The following POLR1A variants were observed in gnomAD, a reference collection of about 807,000 sequenced individuals.
POLR1A encodes RNA polymerase I subunit A.
POLR1A carries 84 observed loss-of-function variants against 205.3 expected under a neutral mutation model. The observed-to-expected ratio is 0.41, with a 90% CI of 0.34 to 0.49. The LOEUF (loss-of-function observed/expected upper bound fraction) is 0.49. Among genes scored for constraint, POLR1A ranks in the 20% least tolerant of loss-of-function variants. POLR1A has a pLI of 0.22. For missense variants in POLR1A, 1,645 were observed against 2,204.5 expected, an observed-to-expected ratio of 0.75 and a Z score of 5.08; for synonymous variants, 799 against 863.7, an observed-to-expected ratio of 0.93 and a Z score of 1.31.
At chr2:86,069,090 C>A (rs535244681) in intron 13 of POLR1A, among the ~76,000 whole-genome samples, 1 of 152,370 alleles carries the variant, frequency 6.6e-6, no homozygotes, top group South Asian at 2.1e-4. Flanking sequence ...ATAGCACCTA[C>A]CTCCAAGGAC....
chr2:86,074,341 G>A (rs556025690), intron 12 of POLR1A, among the ~76,000 whole-genome samples: 1 of 152,266 alleles, frequency 6.6e-6, no homozygotes, highest in South Asian at 2.1e-4. Flanking sequence ...TATTGACTCC[G>A]GTAGTCACTT....
At chr2:86,097,450 A>C (rs1573837307) in intron 3 of POLR1A, among the ~76,000 whole-genome samples, 2 of 152,180 alleles carry the variant, frequency 1.3e-5, no homozygotes, top group African/African-American at 4.8e-5. Context: ...CCCCATGGTT[A>C]TTGCAGCACT....
chr2:86,062,151 G>A (rs1246818274), intron 14 of POLR1A, among the ~76,000 whole-genome samples: 3 of 152,102 alleles, frequency 2.0e-5, no homozygotes, highest in African/African-American at 7.2e-5. Context: ...TCTAAACATG[G>A]TTTTTCTCTG....
chr2:86,089,435 T>C (rs1228104095), intron 4 of POLR1A, among the ~76,000 whole-genome samples: 1 of 152,250 alleles, frequency 6.6e-6, no homozygotes, highest in Non-Finnish European at 1.5e-5. Context: ...AGGTGAATTA[T>C]CTACCCATTC....
In POLR1A at chr2:86,061,301, G is replaced by T. The variant is rs185124314; in HGVS notation, c.2058+3973C>A. On this transcript the variant is annotated intron_variant, in intron 14 of 33. Transcript: ENST00000263857. ...GTCTCTACTAAAAATACAAAAATTTGCTAGGTGTGGTGGAGCACATCTGTA... is the reference window on the plus strand; with the variant it reads ...GTCTCTACTAAAAATACAAAAATTTTCTAGGTGTGGTGGAGCACATCTGTA... Among the ~76,000 whole-genome samples the T allele has an allele frequency of 8.5e-5, 13 of 152,222 alleles. No homozygotes were observed. In the East Asian group the frequency reaches 1.9e-3, roughly 23 times the overall value.
chr2:86,061,467 ACTAT>A (rs1038464799), intron 14 of POLR1A, among the ~76,000 whole-genome samples: 1 of 152,208 alleles, frequency 6.6e-6, no homozygotes, highest in Non-Finnish European at 1.5e-5. Context: ...ACTTTAGGAA[ACTAT>A]CTATTAAAGT....
At chr2:86,071,876 T>G (rs1673185373) in intron 12 of POLR1A, among the ~76,000 whole-genome samples, 1 of 152,212 alleles carries the variant, frequency 6.6e-6, no homozygotes, top group Non-Finnish European at 1.5e-5. Flanking sequence ...GAAGGGCTCC[T>G]CTAAGTAGTA....
intron 12 of POLR1A, 119 bp downstream of exon 12, chr2:86,074,911 C>T: frequency 1.4e-6 from 1 of 691,396 alleles, no homozygotes; most frequent in Non-Finnish European, 2.4e-6. Context: ...TGTCGGGGAG[C>T]TTCCTCCTAG....
rs1206119827 is a variant in POLR1A at position 86,070,412 on chromosome 2, T to C, written c.1612-140A>G. 3 of 901,438 alleles carry C rather than the reference T, an allele frequency of 3.3e-6. No individual in the cohort carries two copies. Among genetic ancestry groups the C allele is most frequent in the Non-Finnish European group, 5.0e-6 (3 of 603,348 alleles). The allele number at this position is 901,438 out of a possible 1,614,324, so 55.8% of individuals were successfully genotyped here. ...AACTAAATGCAAGGGGAATTTTTCATCTGGAGCAAAACCCTGGAAATCTCT... is the reference window on the plus strand; with the variant it reads ...AACTAAATGCAAGGGGAATTTTTCACCTGGAGCAAAACCCTGGAAATCTCT... On this transcript the variant is annotated intron_variant, in intron 12 of 33. Coordinates refer to ENST00000263857, the MANE Select transcript of POLR1A (RefSeq NM_015425.6). This position sits in a 1 kb window ranked among gnomAD's most constrained non-coding sequence, Gnocchi z 4.4.
Position 86,032,618 on chromosome 2 carries a change from C to T in POLR1A, c.4162-236G>A, listed in dbSNP as rs4832234. ...CTTCAGTCTTCATCTTTACATGCAC[C>T]ACTTACTTGCAAAGTTTCATTCCCA... is the stretch of plus-strand genomic sequence containing the variant. On this transcript the variant is annotated intron_variant, in intron 28 of 33. Transcript: ENST00000263857. Among the ~76,000 whole-genome samples, 57,238 of 151,820 alleles carry T rather than the reference C, an allele frequency of 0.38. 13,490 individuals carry two copies. Among genetic ancestry groups the T allele is most frequent in the Non-Finnish European group, 0.54 (36,444 of 67,924 alleles).
chr2:86,077,152 A>G (rs913447461), intron 11 of POLR1A, among the ~76,000 whole-genome samples: 1 of 152,198 alleles, frequency 6.6e-6, no homozygotes, highest in African/African-American at 2.4e-5. Flanking sequence ...GAGGCTCTCC[A>G]CGGAGGGAAA....
At chr2:86,068,298 T>G (rs535418326) in intron 13 of POLR1A, among the ~76,000 whole-genome samples, 20 of 147,832 alleles carry the variant, frequency 1.4e-4, no homozygotes, top group African/African-American at 4.5e-4. Flanking sequence ...CACACAGTTC[T>G]GGCAGCCACT....
At chr2:86,027,811 G>A in intron 33 of POLR1A, 74 bp downstream of exon 33, 1 of 1,508,444 alleles carries the variant, frequency 6.6e-7, no homozygotes. Flanking sequence ...ACCATGGAAA[G>A]ATGCCCATGG....
intron 31 of POLR1A, 91 bp downstream of exon 31, chr2:86,030,105 G>A (rs529192481): frequency 1.5e-5 from 16 of 1,036,136 alleles, no homozygotes; most frequent in East Asian, 4.8e-5. Context: ...AGAGTAAATC[G>A]CGTAGAGCGA....
In POLR1A at chr2:86,049,053, A is replaced by C. The variant is rs746521541; in HGVS notation, c.2476-11T>G. ...TGCAGCCCTGACAGCCTAGAATGAG[A>C]ACAGAAACACAGCGGAGGCTGAGGC... On this transcript the variant is annotated splice_polypyrimidine_tract_variant and intron_variant, in intron 17 of 33. Coordinates refer to ENST00000263857, the MANE Select transcript of POLR1A (RefSeq NM_015425.6). 20 of 1,614,226 alleles carry C rather than the reference A, an allele frequency of 1.2e-5. No homozygotes were observed. In the East Asian group the frequency reaches 4.5e-4, roughly 36 times the overall value.
In POLR1A at chr2:86,070,281, A is replaced by G. The variant is rs1558776578; in HGVS notation, c.1612-9T>C. ...TTCACATGCCGGCACACCTGGGAAC[A>G]GAGTGGACAGGTGGGTGATCAGTGC... is the stretch of plus-strand genomic sequence containing the variant. On this transcript the variant is annotated splice_polypyrimidine_tract_variant and intron_variant, in intron 12 of 33. Coordinates refer to ENST00000263857, the MANE Select transcript of POLR1A (RefSeq NM_015425.6). The surrounding 1 kb of genome is among the most constrained non-coding windows in gnomAD (Gnocchi z 4.4). 2.5e-6 allele frequency: 4 copies of G among 1,599,032 alleles called. No individual in the cohort carries two copies. Among genetic ancestry groups the G allele is most frequent in the East Asian group, 2.2e-5 (1 of 44,676 alleles).
At chr2:86,096,444 A>T (rs1317951302) in intron 3 of POLR1A, among the ~76,000 whole-genome samples, 1 of 152,186 alleles carries the variant, frequency 6.6e-6, no homozygotes, top group East Asian at 1.9e-4. Flanking sequence ...ATTTGTATAG[A>T]ACCATAAAAG....
In POLR1A at chr2:86,042,990, C is replaced by T. The variant is rs373556059; in HGVS notation, c.3341G>A (p.Ser1114Asn). 1.9e-6 allele frequency: 3 copies of T among 1,613,630 alleles called. No individual in the cohort carries two copies. Among genetic ancestry groups the T allele is most frequent in the Non-Finnish European group, 1.7e-6 (2 of 1,179,698 alleles). ...CTGCATCACCTCCTGAGTCCCAGGG[C>T]TGCGGCCATTGCGGTTTTCACTCTC... ...KLESENRNGR[S>N]PGTQEMLRMW... Residue 1114 changes from serine (S) to asparagine (N), a missense_variant, in exon 23 of 34, where the codon AGC (serine) becomes AAC (asparagine). Coordinates refer to ENST00000263857, the MANE Select transcript of POLR1A (RefSeq NM_015425.6).
intron 19 of POLR1A, among the ~76,000 whole-genome samples, chr2:86,046,543 A>G (rs1022044627): frequency 6.6e-6 from 1 of 152,126 alleles, no homozygotes; most frequent in Non-Finnish European, 1.5e-5. Flanking sequence ...TATGTTTATA[A>G]TTTAATATTA....
Sources: gnomAD v4.1 joint callset for allele counts (sites outside exome capture counted in the v4.1 genomes callset) on GRCh38, gnomAD v4.1.1 for gene constraint, Gnocchi (gnomAD v3.1) non-coding constraint, MANE v1.5 for transcripts, NCBI Gene and HGNC (gene_info 2026-07-23, HGNC 2026-07-21) for gene names.